Variants in SGIP1 observed in about 807,000 individuals in gnomAD.
SGIP1 encodes the protein SH3-containing GRB2-like protein 3-interacting protein 1.
Under a neutral mutation model 107.5 loss-of-function variants are expected in SGIP1, and 38 were observed. That is an observed-to-expected ratio of 0.35 (90% confidence interval 0.27 to 0.46). The LOEUF is 0.46. Ranked by LOEUF, SGIP1 falls within the 20% of genes least tolerant of loss-of-function variation. The pLI is 1.00. For missense variants in SGIP1, 929 were observed against 1,019.5 expected (o/e 0.91, Z 1.21); for synonymous variants, 365 against 366.1 (o/e 1.00, Z 0.03).
At chr1:66,694,845 T>A (rs112249006) in intron 17 of SGIP1, 2 of 257,138 alleles carry the variant, frequency 7.8e-6, no homozygotes, top group African/African-American at 4.4e-5. Context: ...TAATAGAGCA[T>A]CATTAGTAAT....
At chr1:66,591,384 C>T (rs112580578) in intron 1 of SGIP1, among the ~76,000 whole-genome samples, 5 of 152,304 alleles carry the variant, frequency 3.3e-5, no homozygotes, top group Middle Eastern at 3.4e-3. Context: ...TCTTTCTCAT[C>T]CTCATTTTGA....
chr1:66,566,793 A>G (rs928321979), intron 1 of SGIP1, among the ~76,000 whole-genome samples: 1 of 151,988 alleles, frequency 6.6e-6, no homozygotes, highest in Non-Finnish European at 1.5e-5. Context: ...TGCTGCACCC[A>G]TCAACCCGTC....
intron 7 of SGIP1, among the ~76,000 whole-genome samples, chr1:66,650,789 C>T (rs1189537983): frequency 6.6e-6 from 1 of 152,116 alleles, no homozygotes; most frequent in African/African-American, 2.4e-5. Context: ...TAATGTGCTC[C>T]CATGGATTCC....
intron 19 of SGIP1, among the ~76,000 whole-genome samples, chr1:66,726,550 A>G (rs900318844): frequency 6.6e-6 from 1 of 152,236 alleles, no homozygotes; most frequent in Non-Finnish European, 1.5e-5. Context: ...AATCTATAGA[A>G]CAGAATGAAT....
chr1:66,688,772 ATT>A (rs1238647593), intron 15 of SGIP1, among the ~76,000 whole-genome samples: 22 of 152,274 alleles, frequency 1.4e-4, no homozygotes, highest in Admixed American at 7.8e-4. Context: ...TTGGACATAA[ATT>A]CTACATACAT....
At chr1:66,729,164 TA>T in intron 19 of SGIP1, 99 bp from the exon 20 acceptor site, 1 of 1,323,910 alleles carries the variant, frequency 7.6e-7, no homozygotes, top group Non-Finnish European at 1.1e-6. Flanking sequence ...TCTCTTCTGC[TA>T]TTTAACATTG....
At chr1:66,640,960 G>A (rs542572926) in intron 5 of SGIP1, among the ~76,000 whole-genome samples, 109 of 152,150 alleles carry the variant, frequency 7.2e-4, no homozygotes, top group African/African-American at 2.5e-3. Context: ...GCTTGAACCC[G>A]GGAGGCAGAG....
intron 1 of SGIP1, among the ~76,000 whole-genome samples, chr1:66,562,668 C>T (rs1002119556): frequency 6.6e-6 from 1 of 151,944 alleles, no homozygotes; most frequent in Non-Finnish European, 1.5e-5. Flanking sequence ...ATACTTTGGG[C>T]CTTCTTAGAT....
chr1:66,572,422 T>C (rs554260805), intron 1 of SGIP1, among the ~76,000 whole-genome samples: 13 of 152,202 alleles, frequency 8.5e-5, no homozygotes, highest in African/African-American at 2.9e-4. Context: ...GAACTTTTTT[T>C]CCCGACCCAG....
intron 15 of SGIP1, among the ~76,000 whole-genome samples, chr1:66,686,025 C>G (rs1325108967): frequency 1.3e-5 from 2 of 151,862 alleles, no homozygotes; most frequent in East Asian, 3.9e-4. Flanking sequence ...TTTCACATAT[C>G]TCAAAGTGCA....
chr1:66,549,316 G>T (rs973359203), intron 1 of SGIP1, among the ~76,000 whole-genome samples: 2 of 152,058 alleles, frequency 1.3e-5, no homozygotes. Context: ...TATTGTGCTA[G>T]GTACTAGATG....
intron 4 of SGIP1, among the ~76,000 whole-genome samples, chr1:66,636,709 A>G (rs893111989): frequency 1.3e-5 from 2 of 152,190 alleles, no homozygotes; most frequent in African/African-American, 4.8e-5. Context: ...GGTCTACCAC[A>G]GTGGAGAAAA....
intron 7 of SGIP1, among the ~76,000 whole-genome samples, chr1:66,647,667 T>A (rs1193546266): frequency 6.6e-6 from 1 of 152,222 alleles, no homozygotes; most frequent in Non-Finnish European, 1.5e-5. Flanking sequence ...CAGAATGTTC[T>A]AAAATAATTT....
intron 7 of SGIP1, among the ~76,000 whole-genome samples, chr1:66,653,954 T>G (rs545503946): frequency 3.3e-4 from 50 of 152,302 alleles, no homozygotes; most frequent in Non-Finnish European, 5.9e-4. Context: ...GTGAACAGTT[T>G]ACTGAATGTT....
chr1:66,738,604 A>C (rs746055673), intron 21 of SGIP1, among the ~76,000 whole-genome samples: 3 of 152,186 alleles, frequency 2.0e-5, no homozygotes, highest in Non-Finnish European at 4.4e-5. Context: ...GATTCTAATT[A>C]GTATCAACAG....
chr1:66,686,704 C>G (rs1273187060), intron 15 of SGIP1, among the ~76,000 whole-genome samples: 1 of 152,202 alleles, frequency 6.6e-6, no homozygotes, highest in African/African-American at 2.4e-5. Context: ...CTTAGACATT[C>G]TCTTAATGTC....
rs757668289 is a variant in SGIP1 at position 66,534,325 on chromosome 1, C to T, written c.-34C>T. On this transcript the variant is annotated 5_prime_UTR_variant, in exon 1 of 25. Coordinates refer to ENST00000371037, the MANE Select transcript of SGIP1 (RefSeq NM_032291.4). The stretch of plus-strand genomic sequence containing the variant: ...TCGTATCCTCCTGTGTTTTTTCAGA[C>T]TCCTTGGAAATTAAGGAATGCAATT... 6.2e-7 allele frequency: 1 copy of T among 1,613,428 alleles called. No individual in the cohort carries two copies. Among genetic ancestry groups the T allele is most frequent in the Admixed American group, 1.7e-5 (1 of 60,016 alleles).
At position 66,660,269 on chromosome 1, in the gene SGIP1, A is replaced by G. The variant is rs12746750; in HGVS notation, c.460-244A>G. On this transcript the variant is annotated intron_variant, in intron 7 of 24. Transcript: ENST00000371037. Reference sequence around the variant, plus strand: ...GGAGGGAGGAAGGAAGGGAGGAAAGAGCAAGTTTAGAATGTGCTCAGATGC... The same window carrying G: ...GGAGGGAGGAAGGAAGGGAGGAAAGGGCAAGTTTAGAATGTGCTCAGATGC... The G allele has an allele frequency of 9.9e-5, 37 of 374,144 alleles. 10 individuals carry two copies. In the East Asian group the frequency reaches 1.5e-3, roughly 16 times the overall value. 23.2% of individuals were successfully genotyped at this position (374,144 alleles called of 1,614,324 possible). A position where few individuals can be genotyped will look rare whatever the true frequency, so the allele number is the denominator to read the frequency against.
chr1:66,679,384 G>A (rs115039292), intron 13 of SGIP1, among the ~76,000 whole-genome samples: 349 of 152,242 alleles, frequency 2.3e-3, no homozygotes, highest in African/African-American at 8.0e-3. Flanking sequence ...GAGGTAGGAC[G>A]TAGTTGCTGC....
Sources: allele counts gnomAD v4.1 joint callset (sites outside exome capture counted in the v4.1 genomes callset), GRCh38; gene constraint gnomAD v4.1.1; transcripts MANE v1.5; gene names NCBI Gene and HGNC (gene_info 2026-07-23, HGNC 2026-07-21).